The following BANF2 variants were observed in gnomAD, a reference collection of about 807,000 sequenced individuals.
The protein encoded by BANF2 is BANF family member 2.
In BANF2, 4 loss-of-function variants were observed where a neutral mutation model predicts 8.0. The ratio of observed to expected loss-of-function variants is 0.50; its 90% CI spans 0.25 to 1.14. The LOEUF is 1.14. BANF2 is among the 50% of genes most tolerant of loss of function. The pLI is 0.16. For synonymous variants in BANF2, 50 were observed against 40.6 expected, an observed-to-expected ratio of 1.23 and a Z score of -0.88; for missense variants, 96 against 107.5, an observed-to-expected ratio of 0.89 and a Z score of 0.47.
intron 1 of BANF2, among the ~76,000 whole-genome samples, chr20:17,705,473 G>A (rs748830974): frequency 4.6e-5 from 7 of 152,284 alleles, no homozygotes; most frequent in South Asian, 2.1e-4. Context: ...ATTAGCCAAC[G>A]CATGTTCCAC....
intron 3 of BANF2, 51 bp from the exon 4 acceptor site, chr20:17,735,614 T>G (rs896593970): frequency 6.3e-7 from 1 of 1,576,636 alleles, no homozygotes; most frequent in African/African-American, 1.3e-5. Flanking sequence ...GCGTCTGAGC[T>G]GGCTTATGAT....
intron 1 of BANF2, among the ~76,000 whole-genome samples, chr20:17,718,350 G>A (rs975300498): frequency 8.6e-5 from 13 of 151,906 alleles, no homozygotes; most frequent in South Asian, 4.2e-4. Flanking sequence ...GATTACAGGC[G>A]CCCACCACCA....
chr20:17,705,621 GTA>G (rs1449949185), intron 1 of BANF2, among the ~76,000 whole-genome samples: 4 of 152,338 alleles, frequency 2.6e-5, no homozygotes, highest in African/African-American at 9.6e-5. Flanking sequence ...ATAGGCTGGT[GTA>G]CATTGTGAAT....
chr20:17,703,424 G>C (rs1568806422), intron 1 of BANF2, among the ~76,000 whole-genome samples: 1 of 152,218 alleles, frequency 6.6e-6, no homozygotes. Context: ...CATTCTGCAG[G>C]ACAGCCCCCT....
chr20:17,725,393 T>C (rs1320777728), intron 3 of BANF2, among the ~76,000 whole-genome samples: 1 of 152,258 alleles, frequency 6.6e-6, no homozygotes. Flanking sequence ...GGGCTAGGCA[T>C]GATTCACTTG....
Position 17,735,863 on chromosome 20 carries a change from C to T in BANF2, c.*52C>T, listed in dbSNP as rs748618298. On this transcript the variant is annotated 3_prime_UTR_variant, in exon 4 of 4. Coordinates refer to ENST00000246090, the MANE Select transcript of BANF2 (RefSeq NM_178477.5). ...CACCCTCTGGGGAAAATGACGCCTT[C>T]TCCACCTATGCCCAGGCTCCGAGTC... is the stretch of plus-strand genomic sequence containing the variant. 5.1e-6 allele frequency: 8 copies of T among 1,570,980 alleles called. No homozygotes were observed. Among genetic ancestry groups the T allele is most frequent in the Non-Finnish European group, 7.0e-6 (8 of 1,148,244 alleles).
At chr20:17,714,457 G>A (rs996665644) in intron 1 of BANF2, among the ~76,000 whole-genome samples, 3 of 152,198 alleles carry the variant, frequency 2.0e-5, no homozygotes, top group Non-Finnish European at 4.4e-5. Flanking sequence ...AGTATGTCCA[G>A]CCTAGATGGA....
chr20:17,729,537 G>C (rs1011416884), intron 3 of BANF2, among the ~76,000 whole-genome samples: 2 of 152,212 alleles, frequency 1.3e-5, no homozygotes, highest in African/African-American at 4.8e-5. Flanking sequence ...AGGAGTTTCA[G>C]ACCAGCCTGG....
rs147300354 is a variant in BANF2 at position 17,720,206 on chromosome 20, C to T, written c.-166-2510C>T. On this transcript the variant is annotated intron_variant, in intron 1 of 3. Coordinates refer to ENST00000246090, the MANE Select transcript of BANF2 (RefSeq NM_178477.5). ...CTCAAAAAAATAAAAATAGAATTAC[C>T]ATATGATGCAGCAATTTCACTTCTG... Among the ~76,000 whole-genome samples the T allele has an allele frequency of 4.6e-5, 7 of 152,268 alleles. No homozygotes were observed. In the East Asian group the frequency reaches 1.2e-3, roughly 25 times the overall value.
intron 1 of BANF2, 79 bp from the exon 2 acceptor site, chr20:17,722,637 C>T (rs2037748638): frequency 1.3e-6 from 1 of 766,990 alleles, no homozygotes; most frequent in Admixed American, 6.3e-5. Flanking sequence ...ATGCCCTCGG[C>T]TCACACATCT....
intron 3 of BANF2, among the ~76,000 whole-genome samples, chr20:17,726,366 T>C (rs1244774062): frequency 6.6e-6 from 1 of 152,116 alleles, no homozygotes; most frequent in Non-Finnish European, 1.5e-5. Context: ...TTTGTGTTTC[T>C]TGTAGAGACA....
intron 3 of BANF2, 48 bp downstream of exon 3, chr20:17,725,199 T>A: frequency 6.4e-7 from 1 of 1,570,754 alleles, no homozygotes; most frequent in Non-Finnish European, 8.7e-7. Context: ...CTACCTTTCT[T>A]CCCCCAGTCC....
At chr20:17,718,839 A>G (rs1361290704) in intron 1 of BANF2, among the ~76,000 whole-genome samples, 1 of 152,222 alleles carries the variant, frequency 6.6e-6, no homozygotes, top group Non-Finnish European at 1.5e-5. Flanking sequence ...GTTTTTGGTC[A>G]TTCCCTGCCG....
At chr20:17,713,163 G>A (rs2037601063) in intron 1 of BANF2, among the ~76,000 whole-genome samples, 1 of 152,088 alleles carries the variant, frequency 6.6e-6, no homozygotes, top group Non-Finnish European at 1.5e-5. Context: ...GAGGCAGGAG[G>A]ATGGAGGATC....
At position 17,725,044 on chromosome 20, in the gene BANF2, A is replaced by G; in HGVS notation, c.19A>G (p.Arg7Gly). 1 of 1,607,852 alleles carries G rather than the reference A, an allele frequency of 6.2e-7. No individual in the cohort carries two copies. ...GCAGGAGATGGACAACATGTCTCCC[A>G]GGCTGAGAGCCTTCCTCTCCGAACC... MDNMSP[R>G]LRAFLSEPIG... The change falls in exon 3 of 4, where the codon AGG (arginine) becomes GGG (glycine). Residue 7 changes from arginine to glycine, a missense_variant. Transcript: ENST00000246090.
intron 1 of BANF2, among the ~76,000 whole-genome samples, chr20:17,710,229 G>C (rs960059964): frequency 1.2e-4 from 18 of 152,144 alleles, no homozygotes; most frequent in African/African-American, 4.1e-4. Context: ...ATGAGCCCTG[G>C]GGGGGACATG....
chr20:17,697,013 G>A (rs960225825), upstream of BANF2, among the ~76,000 whole-genome samples: 3 of 152,106 alleles, frequency 2.0e-5, no homozygotes, highest in African/African-American at 4.8e-5. Flanking sequence ...GAGTTAGGGT[G>A]GAAACTAAGG....
chr20:17,696,093 G>T (rs908640750), upstream of BANF2, among the ~76,000 whole-genome samples: 2 of 152,202 alleles, frequency 1.3e-5, no homozygotes, highest in Non-Finnish European at 2.9e-5. Context: ...GGACATTTGG[G>T]TGTTTTTGGT....
chr20:17,715,534 C>A (rs1462421146), intron 1 of BANF2, among the ~76,000 whole-genome samples: 1 of 152,228 alleles, frequency 6.6e-6, no homozygotes, highest in South Asian at 2.1e-4. Flanking sequence ...ATTGCAGAAT[C>A]GGAGCTAACG....
Sources: allele counts gnomAD v4.1 joint callset (sites outside exome capture counted in the v4.1 genomes callset), GRCh38; gene constraint gnomAD v4.1.1; transcripts MANE v1.5; gene names NCBI Gene and HGNC (gene_info 2026-07-23, HGNC 2026-07-21).